TEK: variants seen among roughly 807,000 people sequenced by gnomAD.
The protein encoded by TEK is TEK receptor tyrosine kinase.
Under a neutral mutation model 131.8 loss-of-function variants are expected in TEK, and 43 were observed. That is an observed-to-expected ratio of 0.33 (90% CI 0.26 to 0.42). The LOEUF is 0.42. TEK is among the 10% of genes least tolerant of loss of function. TEK has a pLI of 1.00. For missense variants in TEK, 1,162 were observed against 1,384.4 expected, an observed-to-expected ratio of 0.84 and a Z score of 2.55; for synonymous variants, 580 against 491.6, an observed-to-expected ratio of 1.18 and a Z score of -2.38.
At chr9:27,169,677 G>T (rs191533907) in intron 4 of TEK, 48 bp downstream of exon 4, 26 of 1,612,314 alleles carry the variant, frequency 1.6e-5, no homozygotes, top group Admixed American at 3.3e-5. Context: ...TTGTTAGGTT[G>T]TTAGGATTTT....
chr9:27,180,166 A>T (rs1824310299), intron 6 of TEK, 74 bp from the exon 7 acceptor site: 1 of 1,601,140 alleles, frequency 6.2e-7, no homozygotes, highest in East Asian at 2.2e-5. Flanking sequence ...AGAAAAATAA[A>T]ACTAAACACC....
At chr9:27,161,130 G>T (rs189110754) in intron 2 of TEK, among the ~76,000 whole-genome samples, 1 of 152,162 alleles carries the variant, frequency 6.6e-6, no homozygotes, top group East Asian at 1.9e-4. Context: ...TTAAAAACCC[G>T]CTGTAATGAT....
At chr9:27,164,680 C>G (rs536159505) in intron 2 of TEK, among the ~76,000 whole-genome samples, 177 of 152,224 alleles carry the variant, frequency 1.2e-3, no homozygotes, top group African/African-American at 4.1e-3. Flanking sequence ...CAAGCATGTG[C>G]TACCATACCT....
chr9:27,228,114 T>G, intron 21 of TEK, 92 bp from the exon 22 acceptor site: 1 of 1,039,540 alleles, frequency 9.6e-7, no homozygotes, highest in Non-Finnish European at 1.5e-6. Flanking sequence ...TAACCATGCA[T>G]TGGGTGGCTT....
Position 27,212,703 on chromosome 9 carries a change from C to G in TEK, c.2687-4C>G. On this transcript the variant is annotated splice_region_variant and splice_polypyrimidine_tract_variant and intron_variant, in intron 16 of 22. Transcript: ENST00000380036. ...TGAGTCGATGCTCTCTTCCTTCCCT[C>G]CAGGCTACTTGTACCTGGCCATTGA... 6.2e-7 allele frequency: 1 copy of G among 1,614,092 alleles called. No individual in the cohort carries two copies. Among genetic ancestry groups the G allele is most frequent in the Non-Finnish European group, 8.5e-7 (1 of 1,180,008 alleles).
intron 18 of TEK, among the ~76,000 whole-genome samples, chr9:27,215,624 C>T (rs929539801): frequency 6.7e-6 from 1 of 149,300 alleles, no homozygotes; most frequent in Non-Finnish European, 1.5e-5. Flanking sequence ...CTGCAAACTA[C>T]TATACTAAGC....
chr9:27,219,694 AAT>A (rs1230948491), intron 20 of TEK, among the ~76,000 whole-genome samples: 6 of 152,280 alleles, frequency 3.9e-5, no homozygotes, highest in African/African-American at 9.6e-5. Flanking sequence ...TCATTGATAA[AAT>A]ATGAGTTATA....
At chr9:27,153,319 G>A (rs1056779696) in intron 1 of TEK, among the ~76,000 whole-genome samples, 4 of 152,108 alleles carry the variant, frequency 2.6e-5, no homozygotes, top group African/African-American at 4.8e-5. Context: ...GCGTGGTCGC[G>A]GGCACTTGTA....
chr9:27,168,865 T>A (rs1302116321), intron 3 of TEK, among the ~76,000 whole-genome samples: 2 of 152,224 alleles, frequency 1.3e-5, no homozygotes, highest in African/African-American at 2.4e-5. Context: ...TAATGTGAGA[T>A]CCCAACTTCA....
intron 2 of TEK, among the ~76,000 whole-genome samples, chr9:27,165,120 A>G (rs911599): frequency 0.78 from 118,267 of 151,148 alleles, 46,424 homozygotes; most frequent in South Asian, 0.87. Flanking sequence ...CTAAGAAAAC[A>G]GGAGGTTAAA....
intron 1 of TEK, among the ~76,000 whole-genome samples, chr9:27,127,112 T>C (rs1474861916): frequency 6.6e-6 from 1 of 152,210 alleles, no homozygotes; most frequent in African/African-American, 2.4e-5. Flanking sequence ...GTTCTCCTAA[T>C]GCTATCCCTC....
chr9:27,150,692 A>G (rs1314612701), intron 1 of TEK, among the ~76,000 whole-genome samples: 1 of 152,170 alleles, frequency 6.6e-6, no homozygotes, highest in Non-Finnish European at 1.5e-5. Flanking sequence ...TGATGGAACC[A>G]TGCTTCCTGC....
rs1826497387 is a variant in TEK, at chr9:27,229,906, G to A, written c.*674G>A. 6.6e-6 allele frequency: 1 copy of A among 152,490 alleles called. No homozygotes were observed. Among genetic ancestry groups the A allele is most frequent in the African/African-American group, 2.4e-5 (1 of 41,438 alleles). The allele number at this position is 152,490 out of a possible 1,614,324, so 9.4% of individuals were successfully genotyped here. A position where few individuals can be genotyped will look rare whatever the true frequency, so the allele number is the denominator to read the frequency against. On this transcript the variant is annotated 3_prime_UTR_variant, in exon 23 of 23. Coordinates refer to ENST00000380036, the MANE Select transcript of TEK (RefSeq NM_000459.5). Reference sequence around the variant, plus strand: ...TTGCTTACAAGCCTAAGAATCTTTAGAGAAGTATACATAAGTTTAGGATAA... The same window carrying A: ...TTGCTTACAAGCCTAAGAATCTTTAAAGAAGTATACATAAGTTTAGGATAA...
intron 6 of TEK, among the ~76,000 whole-genome samples, chr9:27,178,543 C>T (rs192626772): frequency 1.8e-4 from 28 of 152,180 alleles, no homozygotes; most frequent in African/African-American, 6.3e-4. Flanking sequence ...TTGTAGATAA[C>T]TTAGTTGTGA....
chr9:27,228,168 A>C (rs1826412900), intron 21 of TEK, 38 bp from the exon 22 acceptor site: 1 of 1,547,124 alleles, frequency 6.5e-7, no homozygotes, highest in African/African-American at 1.4e-5. Context: ...ACTGAAGCAC[A>C]GTTATAGAAT....
At chr9:27,183,358 C>A in intron 7 of TEK, 101 bp from the exon 8 acceptor site, 1 of 1,316,126 alleles carries the variant, frequency 7.6e-7, no homozygotes, top group Non-Finnish European at 1.1e-6. Context: ...TTGCAAAGTT[C>A]TTGCCCGGTG....
chr9:27,216,091 G>A (rs1301860899), intron 18 of TEK, among the ~76,000 whole-genome samples: 2 of 152,138 alleles, frequency 1.3e-5, no homozygotes, highest in Admixed American at 6.5e-5. Flanking sequence ...CTTCAGGGTT[G>A]GAAGAGGAAG....
intron 1 of TEK, among the ~76,000 whole-genome samples, chr9:27,142,410 G>C (rs956660113): frequency 3.3e-5 from 5 of 152,194 alleles, no homozygotes; most frequent in African/African-American, 1.2e-4. Flanking sequence ...CAGAATTAGA[G>C]ACCTAGATTT....
chr9:27,220,260 CAGAGATCCCAA>C (rs1826009260), intron 21 of TEK, 115 bp downstream of exon 21: 1 of 867,248 alleles, frequency 1.2e-6, no homozygotes, highest in South Asian at 1.4e-5. Flanking sequence ...CACCTACACA[CAGAGATCCCAA>C]ATAGGAACCC....
Sources: gnomAD v4.1 joint callset for allele counts (sites outside exome capture counted in the v4.1 genomes callset) on GRCh38, gnomAD v4.1.1 for gene constraint, MANE v1.5 for transcripts, NCBI Gene and HGNC (gene_info 2026-07-23, HGNC 2026-07-21) for gene names.